The following PTPRJ variants were observed in gnomAD, a reference collection of about 807,000 sequenced individuals.
The protein encoded by PTPRJ is protein tyrosine phosphatase receptor type J.
A neutral mutation model predicts 141.3 loss-of-function variants in PTPRJ; 129 were observed. That is an observed-to-expected ratio of 0.91 (90% CI 0.79 to 1.06). The LOEUF is 1.06. Ranked by LOEUF, PTPRJ falls within the 50% of genes least tolerant of loss-of-function variation. The probability of loss-of-function intolerance (pLI) is 0.00; values close to 1 mark genes in which losing one functional copy is unlikely to be tolerated. For missense variants in PTPRJ, 1,601 were observed against 1,679.7 expected, an observed-to-expected ratio of 0.95 and a Z score of 0.82; for synonymous variants, 610 against 640.5, an observed-to-expected ratio of 0.95 and a Z score of 0.72.
chr11:47,986,608 C>T (rs1419350769), intron 1 of PTPRJ, among the ~76,000 whole-genome samples: 1 of 152,162 alleles, frequency 6.6e-6, no homozygotes, highest in African/African-American at 2.4e-5. Context: ...CCTCCGCCTC[C>T]CGGGTTCAAG....
intron 1 of PTPRJ, among the ~76,000 whole-genome samples, chr11:48,078,400 C>T (rs57382627): frequency 0.031 from 4,725 of 152,136 alleles, 168 homozygotes; most frequent in African/African-American, 0.09. Flanking sequence ...GGATGGGTTT[C>T]GGCAGTTCAG....
intron 1 of PTPRJ, among the ~76,000 whole-genome samples, chr11:48,057,526 C>G: frequency 6.6e-6 from 1 of 151,986 alleles, no homozygotes; most frequent in East Asian, 1.9e-4. Flanking sequence ...TCACGGGCAG[C>G]CTTGGGTACC....
intron 18 of PTPRJ, among the ~76,000 whole-genome samples, chr11:48,152,276 C>A (rs1457058770): frequency 2.0e-5 from 3 of 152,036 alleles, no homozygotes; most frequent in Admixed American, 6.5e-5. Flanking sequence ...TATCCTTCGC[C>A]CACTTTTTGA....
chr11:48,052,586 A>T (rs1854602634), intron 1 of PTPRJ, among the ~76,000 whole-genome samples: 1 of 152,014 alleles, frequency 6.6e-6, no homozygotes, highest in Non-Finnish European at 1.5e-5. Flanking sequence ...GAGACCAGAG[A>T]TCTCATGGGT....
At chr11:48,157,935 C>T (rs56318860) in intron 21 of PTPRJ, among the ~76,000 whole-genome samples, 5,124 of 152,304 alleles carry the variant, frequency 0.034, 131 homozygotes, top group Non-Finnish European at 0.052. Flanking sequence ...GGCAGACCAC[C>T]TGAGGTCAGG....
Position 48,137,119 on chromosome 11 carries a change from G to A in PTPRJ, c.1990G>A (p.Ala664Thr). Residue 664 changes from alanine to threonine, a missense_variant, in exon 10 of 25, where the codon GCT becomes ACT. Coordinates refer to ENST00000418331, the MANE Select transcript of PTPRJ (RefSeq NM_002843.4). ...CTCCTACTGCCTTCTTATTGAGAAG[G>A]CTGGAAATTCCAGCAACGCAACACA... ...TYSYCLLIEK[A>T]GNSSNATQVV... 6.2e-7 allele frequency: 1 copy of A among 1,611,636 alleles called. No individual in the cohort carries two copies. The highest frequency in any genetic ancestry group is 8.5e-7 in the Non-Finnish European group (1 of 1,177,718).
At chr11:48,065,240 C>T (rs988004121) in intron 1 of PTPRJ, among the ~76,000 whole-genome samples, 4 of 151,966 alleles carry the variant, frequency 2.6e-5, no homozygotes, top group Non-Finnish European at 5.9e-5. Flanking sequence ...TCTCGAACTC[C>T]CGACCTCAGG....
chr11:48,123,448 T>C (rs1307750271), intron 4 of PTPRJ, among the ~76,000 whole-genome samples, 165 bp from the exon 5 acceptor site: 1 of 152,230 alleles, frequency 6.6e-6, no homozygotes, highest in Non-Finnish European at 1.5e-5. Flanking sequence ...TGGGCTCTGA[T>C]AGAAAGGAAG....
At chr11:48,000,978 T>C (rs956702176) in intron 1 of PTPRJ, among the ~76,000 whole-genome samples, 3 of 145,258 alleles carry the variant, frequency 2.1e-5, no homozygotes, top group Non-Finnish European at 3.0e-5. Context: ...TCCAGTCCCA[T>C]ATAATTTTTT....
At chr11:48,002,136 ATT>A (rs36029619) in intron 1 of PTPRJ, among the ~76,000 whole-genome samples, 7,024 of 130,454 alleles carry the variant, frequency 0.054, 479 homozygotes, top group African/African-American at 0.21. Flanking sequence ...TCCTATTTAA[ATT>A]TTTTTTTTTT....
intron 1 of PTPRJ, among the ~76,000 whole-genome samples, chr11:47,995,164 G>C (rs541992256): frequency 6.6e-6 from 1 of 152,246 alleles, no homozygotes; most frequent in African/African-American, 2.4e-5. Flanking sequence ...AGTTGACTTT[G>C]TGATCAGCTC....
At chr11:47,989,183 G>GT (rs1854128139) in intron 1 of PTPRJ, among the ~76,000 whole-genome samples, 1 of 150,216 alleles carries the variant, frequency 6.7e-6, no homozygotes, top group Non-Finnish European at 1.5e-5. Context: ...GCGCCTGGCC[G>GT]TATCTTGTTA....
Position 48,137,193 on chromosome 11 carries a change from A to G in PTPRJ, c.2064A>G (p.Ile688Met). 6.2e-7 allele frequency: 1 copy of G among 1,613,666 alleles called. No homozygotes were observed. Among genetic ancestry groups the G allele is most frequent in the Non-Finnish European group, 8.5e-7 (1 of 1,179,566 alleles). ...GITDATVTEL[I>M]PGSSYTVEIF... ...CTGACGCTACAGTCACTGAATTAAT[A>G]CCTGGCTCATCATACACAGTGGAGA... Residue 688 changes from isoleucine to methionine, a missense_variant, in exon 10 of 25, where the codon ATA (isoleucine) becomes ATG (methionine). Transcript: ENST00000418331.
At chr11:48,035,483 G>T (rs1053618419) in intron 1 of PTPRJ, among the ~76,000 whole-genome samples, 2 of 147,314 alleles carry the variant, frequency 1.4e-5, no homozygotes, top group African/African-American at 2.5e-5. Flanking sequence ...GGGACCATCT[G>T]TGCTCTCCTG....
At chr11:48,163,224 T>C (rs892445570) in intron 22 of PTPRJ, among the ~76,000 whole-genome samples, 4 of 152,196 alleles carry the variant, frequency 2.6e-5, no homozygotes, top group African/African-American at 9.6e-5. Flanking sequence ...ATGACTTCAC[T>C]TCTGTGAATC....
At chr11:48,013,428 A>T (rs1185507688) in intron 1 of PTPRJ, among the ~76,000 whole-genome samples, 1 of 152,172 alleles carries the variant, frequency 6.6e-6, no homozygotes, top group African/African-American at 2.4e-5. Flanking sequence ...AGATGACTGA[A>T]TGGTCCTCGG....
Position 48,112,964 on chromosome 11 carries a change from A to G in PTPRJ, c.333A>G (p.Gln111=), listed in dbSNP as rs2134328126. The change falls in exon 3 of 25, where the codon CAA becomes CAG. Residue 111 remains glutamine (Q), a synonymous_variant. Transcript: ENST00000418331. ...QGSNGTDGAS[Q]KTPSSTGPSP... is the part of the protein sequence containing the mutation. ...CTAATGGGACTGATGGGGCATCTCAAAAAACTCCCAGTAGCACTGGTAAGC... is the reference window on the plus strand; with the variant it reads ...CTAATGGGACTGATGGGGCATCTCAGAAAACTCCCAGTAGCACTGGTAAGC... 1 of 1,613,976 alleles carries G rather than the reference A, an allele frequency of 6.2e-7. No individual in the cohort carries two copies. The highest frequency in any genetic ancestry group is 2.2e-5 in the East Asian group (1 of 44,888).
intron 14 of PTPRJ, 132 bp downstream of exon 14, chr11:48,145,256 G>A: frequency 3.9e-6 from 5 of 1,288,600 alleles, no homozygotes; most frequent in Non-Finnish European, 5.4e-6. Context: ...CCCTCCCAGA[G>A]GTTGAGATGT....
chr11:48,156,127 T>C lies in PTPRJ; in HGVS notation c.3438+8T>C, dbSNP rs753848938. 20 of 1,557,102 alleles carry C rather than the reference T, an allele frequency of 1.3e-5. No homozygotes were observed. The South Asian group carries it at 2.1e-4, about 16-fold the overall frequency. The stretch of plus-strand genomic sequence containing the variant: ...TGTGTTGAACAGGGAAGAGTAAGTA[T>C]CTTTTTTAGTTTTTAAAATTTAAAA... On this transcript the variant is annotated splice_region_variant and intron_variant, in intron 21 of 24. Transcript: ENST00000418331.
Sources: allele counts gnomAD v4.1 joint callset (sites outside exome capture counted in the v4.1 genomes callset), GRCh38; gene constraint gnomAD v4.1.1; transcripts MANE v1.5; gene names NCBI Gene and HGNC (gene_info 2026-07-23, HGNC 2026-07-21).